Variants in ARMH1 observed in about 807,000 individuals in gnomAD.
ARMH1 encodes armadillo like helical domain containing 1, also known as armadillo-like helical domain containing protein 1.
ARMH1 carries 34 observed loss-of-function variants against 50.2 expected under a neutral mutation model. The ratio of observed to expected loss-of-function variants is 0.68; its 90% CI spans 0.51 to 0.90. ARMH1 has a LOEUF of 0.90. ARMH1 is among the 40% of genes least tolerant of loss of function. The pLI, the probability that ARMH1 is intolerant of heterozygous loss-of-function variation, is 0.00. For synonymous variants in ARMH1, 221 were observed against 224.2 expected (o/e 0.99, Z 0.13); for missense variants, 538 against 553.9 (o/e 0.97, Z 0.29).
chr1:44,697,133 C>A lies in ARMH1; in HGVS notation c.238C>A (p.Leu80Ile). The A allele has an allele frequency of 6.4e-7, 1 of 1,552,230 alleles. No homozygotes were observed. Among genetic ancestry groups the A allele is most frequent in the East Asian group, 2.4e-5 (1 of 40,924 alleles). The change falls in exon 3 of 12, where the codon CTC (leucine) becomes ATC (isoleucine). Residue 80 changes from leucine to isoleucine, a missense_variant. Coordinates refer to ENST00000535358, the MANE Select transcript of ARMH1 (RefSeq NM_001145636.2). The stretch of plus-strand genomic sequence containing the variant: ...GACTGACTCATGTTTAGAAAAGCTT[C>A]TCAGGTCCATTGGCATCTTCTTATC... Reference protein sequence around the residue: ...YMTDSCLEKLLRSIGIFLSAV... With the variant: ...YMTDSCLEKLIRSIGIFLSAV...
At chr1:44,716,705 G>A (rs1250764255) in intron 6 of ARMH1, among the ~76,000 whole-genome samples, 2 of 152,090 alleles carry the variant, frequency 1.3e-5, no homozygotes, top group Admixed American at 6.6e-5. Flanking sequence ...TCTTCATACT[G>A]CTCACCTGCA....
In ARMH1 at chr1:44,680,235, G is replaced by A. The variant is rs550569136; in HGVS notation, c.-23+5362G>A. ...TCTGTCACCCAGGCTGGAGTTCAGT[G>A]GCACGGTCTTGGCTCACTGCAGCCT... is the stretch of plus-strand genomic sequence containing the variant. On this transcript the variant is annotated intron_variant, in intron 1 of 11. Coordinates refer to ENST00000535358, the MANE Select transcript of ARMH1 (RefSeq NM_001145636.2). Among the ~76,000 whole-genome samples, 3 of 152,340 alleles carry A rather than the reference G, an allele frequency of 2.0e-5. No individual in the cohort carries two copies. The South Asian group carries it at 6.2e-4, about 32-fold the overall frequency.
chr1:44,706,320 G>A (rs1646339401), intron 6 of ARMH1, among the ~76,000 whole-genome samples: 1 of 152,226 alleles, frequency 6.6e-6, no homozygotes, highest in Non-Finnish European at 1.5e-5. Flanking sequence ...ACAGGGGACT[G>A]CCTGGTGAGG....
At chr1:44,721,488 G>T (rs1283518538) in intron 6 of ARMH1, among the ~76,000 whole-genome samples, 1 of 151,764 alleles carries the variant, frequency 6.6e-6, no homozygotes. Flanking sequence ...ATTAGATACA[G>T]ACTGTCAAAA....
intron 4 of ARMH1, among the ~76,000 whole-genome samples, chr1:44,700,412 T>C (rs1646020958): frequency 1.3e-5 from 2 of 152,032 alleles, no homozygotes; most frequent in South Asian, 4.1e-4. Context: ...GGTCAGGAGA[T>C]AAAGACCATC....
intron 6 of ARMH1, chr1:44,721,803 A>G (rs910093886): frequency 6.6e-5 from 10 of 151,204 alleles, no homozygotes; most frequent in Non-Finnish European, 1.5e-4. Context: ...CCTAGGCAAG[A>G]CTTCAAAAAA....
At chr1:44,719,608 CAA>C (rs1647001912) in intron 6 of ARMH1, among the ~76,000 whole-genome samples, 1 of 152,202 alleles carries the variant, frequency 6.6e-6, no homozygotes, top group Non-Finnish European at 1.5e-5. Flanking sequence ...AGTTTTCTGA[CAA>C]AGTTAGAAAT....
intron 1 of ARMH1, among the ~76,000 whole-genome samples, chr1:44,686,742 G>A (rs2148592867): frequency 6.6e-6 from 1 of 151,524 alleles, no homozygotes; most frequent in African/African-American, 2.4e-5. Flanking sequence ...AATGTTGGAG[G>A]ATAGAAAGAA....
chr1:44,678,523 C>T (rs950936483), intron 1 of ARMH1, among the ~76,000 whole-genome samples: 1 of 152,020 alleles, frequency 6.6e-6, no homozygotes, highest in African/African-American at 2.4e-5. Context: ...AATTGGAGTG[C>T]ATATGCCCCT....
At chr1:44,695,434 A>G (rs1296987771) in intron 2 of ARMH1, among the ~76,000 whole-genome samples, 3 of 152,198 alleles carry the variant, frequency 2.0e-5, no homozygotes, top group Non-Finnish European at 4.4e-5. Flanking sequence ...GACTCAAACC[A>G]TGTGTTCTGG....
intron 6 of ARMH1, among the ~76,000 whole-genome samples, chr1:44,723,582 G>A (rs1358626107): frequency 1.3e-5 from 2 of 152,168 alleles, no homozygotes; most frequent in African/African-American, 4.8e-5. Flanking sequence ...GGTAAAATGG[G>A]GAAGTGAACC....
At chr1:44,707,247 CTGAG>C (rs58030485) in intron 6 of ARMH1, among the ~76,000 whole-genome samples, 2,331 of 152,030 alleles carry the variant, frequency 0.015, 54 homozygotes, top group African/African-American at 0.054. Flanking sequence ...TGCATGTTTG[CTGAG>C]TGAGTGAGTG....
In ARMH1 at chr1:44,724,999, A is replaced by G. The variant is rs1445939795; in HGVS notation, c.1129-137A>G. On this transcript the variant is annotated intron_variant, in intron 10 of 11. Transcript: ENST00000535358. This position sits in a 1 kb window ranked among gnomAD's most constrained non-coding sequence, Gnocchi z 6.4. ...TCTGGCGTAGGCTCCTCCACCCGCC[A>G]CCTTCCTGTTCCCTTTCCTGCCCTT... is the stretch of plus-strand genomic sequence containing the variant. 6.6e-7 allele frequency: 1 copy of G among 1,505,376 alleles called. No homozygotes were observed. The highest frequency in any genetic ancestry group is 8.9e-7 in the Non-Finnish European group (1 of 1,123,956). The allele number at this position is 1,505,376 out of a possible 1,614,324, so 93.3% of individuals were successfully genotyped here.
At chr1:44,686,079 C>T (rs748141319) in intron 1 of ARMH1, among the ~76,000 whole-genome samples, 56 of 152,128 alleles carry the variant, frequency 3.7e-4, no homozygotes, top group Non-Finnish European at 4.3e-4. Flanking sequence ...CAGAAAAACT[C>T]GGCAAGAGGA....
At chr1:44,703,949 A>C (rs1489884934) in intron 5 of ARMH1, 140 bp from the exon 6 acceptor site, 1 of 595,270 alleles carries the variant, frequency 1.7e-6, no homozygotes, top group Non-Finnish European at 3.0e-6. Flanking sequence ...GATGGTCTGG[A>C]TCTCCTGACC....
intron 1 of ARMH1, among the ~76,000 whole-genome samples, chr1:44,677,264 A>G (rs1352442530): frequency 6.6e-6 from 1 of 152,222 alleles, no homozygotes; most frequent in African/African-American, 2.4e-5. Flanking sequence ...AGTGACCATT[A>G]ATTTTCGGAA....
At chr1:44,687,048 T>C (rs1307442172) in intron 1 of ARMH1, among the ~76,000 whole-genome samples, 3 of 152,052 alleles carry the variant, frequency 2.0e-5, no homozygotes, top group Admixed American at 1.3e-4. Context: ...ATGATAGCAG[T>C]GTATTAGTTT....
chr1:44,719,194 T>C (rs1646980380), intron 6 of ARMH1, among the ~76,000 whole-genome samples: 1 of 151,060 alleles, frequency 6.6e-6, no homozygotes, highest in Non-Finnish European at 1.5e-5. Context: ...CTCCAGGTGA[T>C]TTTTTAATTC....
chr1:44,712,994 T>C (rs1452308682), intron 6 of ARMH1, among the ~76,000 whole-genome samples: 1 of 150,110 alleles, frequency 6.7e-6, no homozygotes, highest in African/African-American at 2.5e-5. Flanking sequence ...GTTTTTGCCT[T>C]ACAGAACGTT....
Sources: allele counts gnomAD v4.1 joint callset (sites outside exome capture counted in the v4.1 genomes callset), GRCh38; gene constraint gnomAD v4.1.1; non-coding constraint Gnocchi (gnomAD v3.1); transcripts MANE v1.5; gene names NCBI Gene and HGNC (gene_info 2026-07-23, HGNC 2026-07-21).